Variants in VAT1L observed in about 807,000 individuals in gnomAD.
VAT1L encodes putative NADPH-dependent quinone oxidoreductase VAT1L.
VAT1L carries 34 observed loss-of-function variants against 44.1 expected under a neutral mutation model. The ratio of observed to expected loss-of-function variants is 0.77; its 90% confidence interval spans 0.59 to 1.03. The LOEUF is 1.03. Among genes scored for constraint, VAT1L ranks in the 50% least tolerant of loss-of-function variants. The probability of loss-of-function intolerance (pLI) is 0.00; values close to 1 mark genes in which losing one functional copy is unlikely to be tolerated. For missense variants in VAT1L, 615 were observed against 538.8 expected, an observed-to-expected ratio of 1.14 and a Z score of -1.40; for synonymous variants, 253 against 202.2, an observed-to-expected ratio of 1.25 and a Z score of -2.13.
At chr16:77,862,413 G>A (rs531448838) in intron 3 of VAT1L, among the ~76,000 whole-genome samples, 1 of 152,094 alleles carries the variant, frequency 6.6e-6, no homozygotes, top group South Asian at 2.1e-4. Context: ...TCAGGAGTTC[G>A]AGACCAGCCT....
intron 7 of VAT1L, among the ~76,000 whole-genome samples, chr16:77,918,147 T>C (rs893687259): frequency 1.6e-4 from 24 of 152,176 alleles, no homozygotes; most frequent in African/African-American, 5.8e-4. Flanking sequence ...ACTTGCTAAT[T>C]GGCTCAAGAA....
rs1374154225 is a variant in VAT1L at position 77,977,786 on chromosome 16, G to C, written c.*91G>C. The C allele has an allele frequency of 2.4e-6, 3 of 1,229,796 alleles. No individual in the cohort carries two copies. The highest frequency in any genetic ancestry group is 2.3e-6 in the Non-Finnish European group (2 of 861,238). 76.2% of individuals were successfully genotyped at this position (1,229,796 alleles called of 1,614,324 possible). A position where few individuals can be genotyped will look rare whatever the true frequency, so the allele number is the denominator to read the frequency against. ...TTCTGTGCCCCAGTGAACAAATGCT[G>C]TAGTCCAGTGCGTGTCGTGTTTGTC... On this transcript the variant is annotated 3_prime_UTR_variant, in exon 9 of 9. Transcript: ENST00000302536.
rs1176446107 is a variant in VAT1L, at chr16:77,978,437, G to T, written c.*742G>T. On this transcript the variant is annotated 3_prime_UTR_variant, in exon 9 of 9. Transcript: ENST00000302536. ...ACATCTCATGGGCAGGATTCTTCCT[G>T]CTCCATATCTGTTTCAATTTTAAGA... is the stretch of plus-strand genomic sequence containing the variant. The T allele has an allele frequency of 1.3e-5, 2 of 152,222 alleles. No homozygotes were observed. Among genetic ancestry groups the T allele is most frequent in the Admixed American group, 1.3e-4 (2 of 15,282 alleles). The allele number at this position is 152,222 out of a possible 1,614,324, so 9.4% of individuals were successfully genotyped here.
At chr16:77,809,342 C>A (rs2016223233) in intron 1 of VAT1L, among the ~76,000 whole-genome samples, 1 of 152,214 alleles carries the variant, frequency 6.6e-6, no homozygotes, top group Non-Finnish European at 1.5e-5. Flanking sequence ...TCCTTCCCAT[C>A]CTCCATCATC....
At chr16:77,874,446 C>T (rs1227774805) in intron 4 of VAT1L, among the ~76,000 whole-genome samples, 1 of 141,992 alleles carries the variant, frequency 7.0e-6, no homozygotes, top group Non-Finnish European at 1.5e-5. Context: ...GGTCCAACTC[C>T]CACCTGCCTC....
chr16:77,940,668 G>C (rs532718508), intron 7 of VAT1L, among the ~76,000 whole-genome samples: 2 of 152,160 alleles, frequency 1.3e-5, no homozygotes, highest in South Asian at 2.1e-4. Context: ...TAGCTCAAAA[G>C]TTAATATGAA....
chr16:77,870,841 T>A (rs1039362781), intron 4 of VAT1L, among the ~76,000 whole-genome samples: 4 of 152,208 alleles, frequency 2.6e-5, no homozygotes, highest in African/African-American at 9.6e-5. Flanking sequence ...GAAGATGGTC[T>A]TTGTTCCTCT....
At chr16:77,866,060 A>G (rs2016970761) in intron 4 of VAT1L, among the ~76,000 whole-genome samples, 1 of 152,032 alleles carries the variant, frequency 6.6e-6, no homozygotes, top group African/African-American at 2.4e-5. Context: ...TTAAATAGAG[A>G]CCTTGGGATT....
At chr16:77,808,939 G>T (rs921210846) in intron 1 of VAT1L, among the ~76,000 whole-genome samples, 5 of 152,086 alleles carry the variant, frequency 3.3e-5, no homozygotes, top group African/African-American at 1.2e-4. Context: ...AGAATTTGGA[G>T]CCCCTTGTTA....
intron 7 of VAT1L, among the ~76,000 whole-genome samples, chr16:77,929,626 A>G (rs892984549): frequency 2.0e-5 from 3 of 152,206 alleles, no homozygotes; most frequent in African/African-American, 7.2e-5. Context: ...ATAGGGAGTC[A>G]GATGGGAATG....
intron 7 of VAT1L, among the ~76,000 whole-genome samples, chr16:77,895,515 G>T (rs2017314875): frequency 6.6e-6 from 1 of 152,116 alleles, no homozygotes; most frequent in African/African-American, 2.4e-5. Context: ...GAGCAGATGC[G>T]ATGGCAGAAG....
intron 7 of VAT1L, 145 bp from the exon 8 acceptor site, chr16:77,971,705 G>A (rs2142544897): frequency 1.4e-6 from 1 of 731,658 alleles, no homozygotes; most frequent in Non-Finnish European, 2.3e-6. Flanking sequence ...TTGCACCCCA[G>A]CGTCCAACAG....
At chr16:77,866,451 G>C (rs1350599465) in intron 4 of VAT1L, among the ~76,000 whole-genome samples, 2 of 151,840 alleles carry the variant, frequency 1.3e-5, no homozygotes, top group Admixed American at 1.3e-4. Flanking sequence ...CATCTACTCT[G>C]TGATCACAGC....
chr16:77,964,779 CTTTTTTTTTTTTTTTTTT>C (rs10566511), intron 7 of VAT1L, among the ~76,000 whole-genome samples: 5 of 91,880 alleles, frequency 5.4e-5, no homozygotes, highest in Non-Finnish European at 7.5e-5. Context: ...CTTTGTAGCA[CTTTTTTTTTTTTTTTTTT>C]TTTTTTTTTT....
chr16:77,904,695 A>G (rs1319956614), intron 7 of VAT1L, among the ~76,000 whole-genome samples: 8 of 152,180 alleles, frequency 5.3e-5, no homozygotes. Context: ...AACACTTCCT[A>G]TATTCCCTAG....
intron 7 of VAT1L, among the ~76,000 whole-genome samples, chr16:77,906,436 G>A (rs1260284799): frequency 6.6e-6 from 1 of 152,166 alleles, no homozygotes; most frequent in East Asian, 1.9e-4. Context: ...TACGATTGAT[G>A]GACAGATGTC....
chr16:77,908,748 A>T (rs577098939), intron 7 of VAT1L, among the ~76,000 whole-genome samples: 1 of 151,976 alleles, frequency 6.6e-6, no homozygotes, highest in East Asian at 2.0e-4. Context: ...ACCCGTCTCT[A>T]CTAAAAATAC....
intron 3 of VAT1L, among the ~76,000 whole-genome samples, chr16:77,854,350 A>G (rs1389085110): frequency 6.6e-6 from 1 of 152,198 alleles, no homozygotes; most frequent in Admixed American, 6.5e-5. Context: ...TGATGCTTGA[A>G]GCATTGTAGG....
At chr16:77,867,239 C>A (rs531385973) in intron 4 of VAT1L, among the ~76,000 whole-genome samples, 2 of 152,016 alleles carry the variant, frequency 1.3e-5, no homozygotes, top group Non-Finnish European at 2.9e-5. Flanking sequence ...AACTTTTGGG[C>A]GTGAAGCATA....
Sources: allele counts gnomAD v4.1 joint callset (sites outside exome capture counted in the v4.1 genomes callset), GRCh38; gene constraint gnomAD v4.1.1; transcripts MANE v1.5; gene names NCBI Gene and HGNC (gene_info 2026-07-23, HGNC 2026-07-21).